The following DMD variants were observed in gnomAD, a reference collection of about 807,000 sequenced individuals.
The protein encoded by DMD is mutant dystrophin.
A neutral mutation model predicts 330.1 loss-of-function variants in DMD; 63 were observed. That is an observed-to-expected ratio of 0.19 (90% CI 0.16 to 0.24). The LOEUF (loss-of-function observed/expected upper bound fraction) is 0.24, where lower values mean the gene tolerates loss of function less well. Ranked by LOEUF, DMD falls within the 10% of genes least tolerant of loss-of-function variation. The pLI is 1.00. For missense variants in DMD, 3,344 were observed against 2,684.1 expected (o/e 1.25, Z -5.43); for synonymous variants, 1,223 against 959.8 (o/e 1.27, Z -5.07).
At chrX:31,418,362 A>C (rs1182596086) in intron 60 of DMD, among the ~76,000 whole-genome samples, 2 of 111,451 alleles carry the variant, frequency 1.8e-5, no homozygotes, top group African/African-American at 6.5e-5. Context: ...TCACCTCCCA[A>C]GGGGCCTACC....
intron 18 of DMD, among the ~76,000 whole-genome samples, chrX:32,506,287 T>C (rs890891242): frequency 2.7e-5 from 3 of 110,153 alleles, no homozygotes; most frequent in Non-Finnish European, 3.8e-5. Flanking sequence ...CCGGGTTATA[T>C]GGGAAATTTT....
intron 7 of DMD, among the ~76,000 whole-genome samples, chrX:32,769,701 C>G (rs1448321342): frequency 9.0e-6 from 1 of 110,711 alleles, no homozygotes; most frequent in African/African-American, 3.3e-5. Flanking sequence ...GATATAAGAG[C>G]AGATGAATAA....
At chrX:32,774,292 G>C (rs747310913) in intron 7 of DMD, among the ~76,000 whole-genome samples, 44 of 111,918 alleles carry the variant, frequency 3.9e-4, no homozygotes, top group Admixed American at 2.4e-3. Flanking sequence ...GAAACAATTC[G>C]TAAGATGCAA....
intron 6 of DMD, among the ~76,000 whole-genome samples, chrX:32,810,513 T>A (rs144561294): frequency 8.9e-6 from 1 of 112,099 alleles, no homozygotes; most frequent in African/African-American, 3.2e-5. Flanking sequence ...ACAATGTGTT[T>A]AAAATTGCAG....
In DMD at chrX:32,394,997, C is replaced by A. The variant is rs544776716; in HGVS notation, c.4234-4816G>T. On this transcript the variant is annotated intron_variant, in intron 30 of 78. Transcript: ENST00000357033. ...ATTTGTGGGAACTTATGTGCTAACA[C>A]TTTATATAATTAATTCCATCTCCTA... Among the ~76,000 whole-genome samples the A allele has an allele frequency of 2.8e-5, 3 of 107,248 alleles. No individual in the cohort carries two copies. The South Asian group carries it at 1.3e-3, about 46-fold the overall frequency. 93.1% of individuals were successfully genotyped at this position (107,248 alleles called of 115,157 possible).
intron 60 of DMD, among the ~76,000 whole-genome samples, chrX:31,367,075 T>C (rs1264007456): frequency 9.0e-6 from 1 of 111,349 alleles, no homozygotes; most frequent in Non-Finnish European, 1.9e-5. Flanking sequence ...TTTAGAAGGA[T>C]GGAATCTTAT....
intron 18 of DMD, chrX:32,516,706 G>A (rs1314260133): frequency 9.0e-6 from 1 of 111,189 alleles, no homozygotes; most frequent in Non-Finnish European, 1.9e-5. Context: ...AGAGTTTAAT[G>A]TTCTCTAATT....
intron 44 of DMD, among the ~76,000 whole-genome samples, chrX:32,061,613 G>T (rs867733214): frequency 2.7e-5 from 3 of 111,294 alleles, no homozygotes; most frequent in Non-Finnish European, 3.8e-5. Flanking sequence ...TTCAGCATTG[G>T]AATTGAGAAT....
rs1265922935 is a variant in DMD at position 31,679,161 on chromosome X, C to T, written c.7872+214G>A. ...TGCTTGAGCCCCAGAGTTCAAGGCT[C>T]AGTGAGCTATGATTGTGCCACTGCA... On this transcript the variant is annotated intron_variant, in intron 53 of 78. Transcript: ENST00000357033. Among the ~76,000 whole-genome samples the T allele has an allele frequency of 7.2e-5, 8 of 111,645 alleles. No individual in the cohort carries two copies. The Admixed American group carries it at 7.6e-4, about 11-fold the overall frequency.
intron 44 of DMD, among the ~76,000 whole-genome samples, chrX:32,013,418 G>A (rs116241198): frequency 0.024 from 2,625 of 110,864 alleles, 102 homozygotes; most frequent in African/African-American, 0.083. Flanking sequence ...AATGCAAATC[G>A]TACTTCAACT....
chrX:32,190,497 C>T (rs2606667), intron 44 of DMD, among the ~76,000 whole-genome samples: 6,698 of 99,312 alleles, frequency 0.067, 260 homozygotes, highest in Admixed American at 0.11. Context: ...TGTCAAGAGT[C>T]TCTGTGTTTC....
At chrX:32,334,241 A>T (rs930008964) in intron 41 of DMD, among the ~76,000 whole-genome samples, 7 of 111,934 alleles carry the variant, frequency 6.3e-5, no homozygotes, top group African/African-American at 2.3e-4. Context: ...AAAATTCTAC[A>T]AACAGCTACA....
At chrX:32,099,961 C>T (rs144543441) in intron 44 of DMD, among the ~76,000 whole-genome samples, 1 of 109,982 alleles carries the variant, frequency 9.1e-6, no homozygotes, top group Non-Finnish European at 1.9e-5. Context: ...ATAAACTAAT[C>T]TGGCTCACAG....
chrX:31,968,586 G>A, intron 44 of DMD, 72 bp from the exon 45 acceptor site: 4 of 1,064,589 alleles, frequency 3.8e-6, no homozygotes, highest in Middle Eastern at 2.6e-4. Context: ...ATTAAACAGT[G>A]TGCTACCACA....
At chrX:32,496,677 C>G (rs1249711551) in intron 19 of DMD, among the ~76,000 whole-genome samples, 1 of 112,820 alleles carries the variant, frequency 8.9e-6, no homozygotes, top group East Asian at 2.8e-4. Flanking sequence ...TCTGCGCATG[C>G]GAGTTCACCC....
In DMD at chrX:33,009,446, G is replaced by GTGTA. The variant is rs759087694; in HGVS notation, c.93+10692_93+10693insTACA. ...TGTATATGTATGTGTATACACATAT[G>GTGTA]TATGTATGTGTATACACATATGTGT... On this transcript the variant is annotated intron_variant, in intron 2 of 78. Transcript: ENST00000357033. Among the ~76,000 whole-genome samples the GTGTA allele has an allele frequency of 1.8e-4, 5 of 27,142 alleles. 1 individual carries two copies. In the East Asian group the frequency reaches 6.5e-3, roughly 35 times the overall value. The allele number at this position is 27,142 out of a possible 115,157, so 23.6% of individuals were successfully genotyped here.
At chrX:32,065,704 A>T (rs2096255294) in intron 44 of DMD, among the ~76,000 whole-genome samples, 1 of 111,977 alleles carries the variant, frequency 8.9e-6, no homozygotes, top group East Asian at 2.8e-4. Context: ...CTTTGGCCAT[A>T]GAAAGCAACA....
intron 1 of DMD, among the ~76,000 whole-genome samples, chrX:33,037,335 G>GA (rs1180880062): frequency 9.7e-6 from 1 of 102,863 alleles, no homozygotes; most frequent in African/African-American, 3.6e-5. Context: ...ACTCAAGGGA[G>GA]AAAAAGTCTC....
At chrX:31,215,033 C>A (rs1254263543) in intron 64 of DMD, among the ~76,000 whole-genome samples, 3 of 100,322 alleles carry the variant, frequency 3.0e-5, no homozygotes, top group Non-Finnish European at 6.0e-5. Context: ...GCTCCGCCTC[C>A]CAGGTTCACG....
Sources: gnomAD v4.1 joint callset for allele counts (sites outside exome capture counted in the v4.1 genomes callset) on GRCh38, gnomAD v4.1.1 for gene constraint, MANE v1.5 for transcripts, NCBI Gene and HGNC (gene_info 2026-07-23, HGNC 2026-07-21) for gene names.